The following NR1H4 variants were observed in gnomAD, a reference collection of about 807,000 sequenced individuals.
NR1H4 encodes the protein bile acid receptor.
NR1H4 carries 23 observed loss-of-function variants against 58.5 expected under a neutral mutation model. That is an observed-to-expected ratio of 0.39 (90% CI 0.28 to 0.56). NR1H4 has a LOEUF of 0.56. NR1H4 is among the 20% of genes least tolerant of loss of function. The pLI, the probability that NR1H4 is intolerant of heterozygous loss-of-function variation, is 0.58. For synonymous variants in NR1H4, 214 were observed against 198.0 expected, an observed-to-expected ratio of 1.08 and a Z score of -0.68; for missense variants, 487 against 576.9, an observed-to-expected ratio of 0.84 and a Z score of 1.60.
At chr12:100,503,284 C>A in intron 3 of NR1H4, 2 of 1,392,048 alleles carry the variant, frequency 1.4e-6, no homozygotes, top group South Asian at 1.5e-5. Flanking sequence ...TAAACATTTA[C>A]AAATATTCTG....
intron 9 of NR1H4, among the ~76,000 whole-genome samples, chr12:100,560,337 G>A (rs188604849): frequency 5.5e-4 from 84 of 152,260 alleles, no homozygotes; most frequent in African/African-American, 1.9e-3. Flanking sequence ...TTGTTCTTTC[G>A]CTCTTTGCAA....
At chr12:100,527,854 C>A (rs1954599834) in intron 4 of NR1H4, among the ~76,000 whole-genome samples, 2 of 151,830 alleles carry the variant, frequency 1.3e-5, no homozygotes, top group African/African-American at 2.4e-5. Flanking sequence ...GTATATTATC[C>A]CTAAAACTTA....
chr12:100,493,964 A>G (rs1029466262), intron 3 of NR1H4, among the ~76,000 whole-genome samples: 1 of 152,224 alleles, frequency 6.6e-6, no homozygotes, highest in Non-Finnish European at 1.5e-5. Context: ...TTATGCATTT[A>G]TGAAAAACAT....
intron 4 of NR1H4, among the ~76,000 whole-genome samples, chr12:100,529,587 G>A (rs1309265528): frequency 6.6e-6 from 1 of 151,990 alleles, no homozygotes; most frequent in Admixed American, 6.6e-5. Flanking sequence ...CCACCAAGAT[G>A]GAGTATCTAC....
chr12:100,493,443 T>C (rs754153300), intron 3 of NR1H4, 41 bp downstream of exon 3: 4 of 996,222 alleles, frequency 4.0e-6, no homozygotes, highest in Non-Finnish European at 6.3e-6. Context: ...AAGAACAAAC[T>C]ACGATTTGGA....
chr12:100,553,795 G>A (rs1413493920), intron 9 of NR1H4, among the ~76,000 whole-genome samples: 3 of 152,172 alleles, frequency 2.0e-5, no homozygotes, highest in Non-Finnish European at 4.4e-5. Context: ...GTCATCTAAT[G>A]GCCACAGCAG....
rs1328565871 is a variant in NR1H4 at position 100,510,842 on chromosome 12, A to G, written c.144A>G (p.Gln48=). The G allele has an allele frequency of 6.2e-7, 1 of 1,614,118 alleles. No homozygotes were observed. The highest frequency in any genetic ancestry group is 2.2e-5 in the East Asian group (1 of 44,864). Residue 48 remains glutamine, a synonymous_variant, in exon 4 of 11, where the codon CAA becomes CAG. Coordinates refer to ENST00000392986, the MANE Select transcript of NR1H4 (RefSeq NM_001206979.2). The stretch of plus-strand genomic sequence containing the variant: ...ACCTGGAAGTGGAACCATACTCGCA[A>G]TACAGCAATGTTCAGTTTCCCCAAG... ...GQNLEVEPYS[Q]YSNVQFPQVQ...
rs76372051 is a variant in NR1H4 at position 100,551,933 on chromosome 12, T to G, written c.1079-9952T>G. Among the ~76,000 whole-genome samples, 433 of 152,332 alleles carry G rather than the reference T, an allele frequency of 2.8e-3. 2 individuals carry two copies. The highest frequency in any genetic ancestry group is 3.5e-3 in the Non-Finnish European group (241 of 68,030). ...ATGTAAGTGGTATGTAAATAATTGC[T>G]TCACTGTATTGTTTAGGGAATAATG... is the stretch of plus-strand genomic sequence containing the variant. On this transcript the variant is annotated intron_variant, in intron 9 of 10. Coordinates refer to ENST00000392986, the MANE Select transcript of NR1H4 (RefSeq NM_001206979.2).
chr12:100,492,763 A>C (rs2136103241), intron 2 of NR1H4, 126 bp downstream of exon 2: 1 of 154,156 alleles, frequency 6.5e-6, no homozygotes, highest in South Asian at 2.0e-4. Context: ...AGGCAGATAC[A>C]AGGAATATCT....
intron 4 of NR1H4, among the ~76,000 whole-genome samples, chr12:100,514,050 A>G (rs1316035468): frequency 2.6e-5 from 4 of 152,206 alleles, no homozygotes; most frequent in African/African-American, 9.7e-5. Context: ...GCAAATTAGG[A>G]CCAAAAGATG....
chr12:100,559,814 C>G (rs575165814), intron 9 of NR1H4, among the ~76,000 whole-genome samples: 3 of 152,358 alleles, frequency 2.0e-5, no homozygotes, highest in East Asian at 3.9e-4. Flanking sequence ...GCCCTGGTGC[C>G]GGATCCACTA....
In NR1H4 at chr12:100,532,453, C is replaced by T; in HGVS notation, c.446-5C>T. The stretch of plus-strand genomic sequence containing the variant: ...TTTTTACACTTTTCAGTGTTTCTCC[C>T]ACAGGTTTCTTCAGGAGAAGCATTA... On this transcript the variant is annotated splice_polypyrimidine_tract_variant and splice_region_variant and intron_variant, in intron 4 of 10. Transcript: ENST00000392986. The T allele has an allele frequency of 6.2e-7, 1 of 1,613,928 alleles. No homozygotes were observed.
intron 9 of NR1H4, among the ~76,000 whole-genome samples, chr12:100,558,988 A>G (rs1402507388): frequency 6.6e-6 from 1 of 152,214 alleles, no homozygotes; most frequent in Non-Finnish European, 1.5e-5. Context: ...TAAATGCTTA[A>G]AATATTGCAT....
At chr12:100,545,709 A>T (rs1565777595) in intron 9 of NR1H4, among the ~76,000 whole-genome samples, 1 of 150,774 alleles carries the variant, frequency 6.6e-6, no homozygotes, top group African/African-American at 2.4e-5. Context: ...TGGATCTATT[A>T]ATTACGGCAC....
At chr12:100,559,644 C>T (rs967269852) in intron 9 of NR1H4, among the ~76,000 whole-genome samples, 3 of 152,232 alleles carry the variant, frequency 2.0e-5, no homozygotes, top group Admixed American at 6.5e-5. Context: ...ACCTGCAGCC[C>T]GCCATGCCTG....
At chr12:100,503,564 T>G (rs968603097) in intron 3 of NR1H4, 19 of 1,436,854 alleles carry the variant, frequency 1.3e-5, no homozygotes, top group Non-Finnish European at 1.7e-5. Context: ...TCTGGGGACT[T>G]TGGTTGGAGA....
chr12:100,502,630 A>G (rs1953860803), intron 3 of NR1H4, among the ~76,000 whole-genome samples: 2 of 152,204 alleles, frequency 1.3e-5, no homozygotes, highest in Admixed American at 1.3e-4. Context: ...TTCAACATAT[A>G]TACATCCTCA....
Position 100,497,202 on chromosome 12 carries a change from C to T in NR1H4, c.79+3800C>T, listed in dbSNP as rs186280288. Among the ~76,000 whole-genome samples, 635 of 152,200 alleles carry T rather than the reference C, an allele frequency of 4.2e-3. 6 individuals carry two copies. The highest frequency in any genetic ancestry group is 0.015 in the African/African-American group (605 of 41,526). On this transcript the variant is annotated intron_variant, in intron 3 of 10. Transcript: ENST00000392986. ...TATTAATATTAACTGCCCCTCGGCTCCCGTTGGTTGAGCGTCACCCCAGGG... is the reference window on the plus strand; with the variant it reads ...TATTAATATTAACTGCCCCTCGGCTTCCGTTGGTTGAGCGTCACCCCAGGG...
chr12:100,525,570 CTAAATT>C (rs1198505514), intron 4 of NR1H4: 1 of 152,090 alleles, frequency 6.6e-6, no homozygotes, highest in Non-Finnish European at 1.5e-5. Context: ...TGCTAACACA[CTAAATT>C]TAAAAAGAAA....
Sources: allele counts gnomAD v4.1 joint callset (sites outside exome capture counted in the v4.1 genomes callset), GRCh38; gene constraint gnomAD v4.1.1; transcripts MANE v1.5; gene names NCBI Gene and HGNC (gene_info 2026-07-23, HGNC 2026-07-21).